Variants in PARD3 observed in about 807,000 individuals in gnomAD.
PARD3 encodes par-3 family cell polarity regulator.
In PARD3, 75 loss-of-function variants were observed where a neutral mutation model predicts 155.4. The ratio of observed to expected loss-of-function variants is 0.48; its 90% CI spans 0.40 to 0.58. The LOEUF (loss-of-function observed/expected upper bound fraction) is 0.58. Ranked by LOEUF, PARD3 falls within the 20% of genes least tolerant of loss-of-function variation. The pLI, the probability that PARD3 is intolerant of heterozygous loss-of-function variation, is 0.00. For synonymous variants in PARD3, 576 were observed against 610.5 expected (o/e 0.94, Z 0.83); for missense variants, 1,642 against 1,721.7 (o/e 0.95, Z 0.82).
chr10:34,713,141 G>T lies in PARD3; in HGVS notation c.121-16722C>A, dbSNP rs569208334. Among the ~76,000 whole-genome samples the T allele has an allele frequency of 1.2e-4, 19 of 152,260 alleles. No homozygotes were observed. The South Asian group carries it at 4.0e-3, about 32-fold the overall frequency. On this transcript the variant is annotated intron_variant, in intron 1 of 24. Transcript: ENST00000374788. The stretch of plus-strand genomic sequence containing the variant: ...GCAGGAGAATCACTTGAACCTAAGA[G>T]GTGGAGGTTGTGGTGAGCCGAGATT...
At chr10:34,670,662 T>C (rs1440157439) in intron 2 of PARD3, among the ~76,000 whole-genome samples, 2 of 152,172 alleles carry the variant, frequency 1.3e-5, no homozygotes, top group Non-Finnish European at 1.5e-5. Context: ...AGAGTATCTA[T>C]AAGCACCTAG....
chr10:34,367,720 C>G (rs1486044717), intron 12 of PARD3, among the ~76,000 whole-genome samples: 1 of 152,054 alleles, frequency 6.6e-6, no homozygotes, highest in Non-Finnish European at 1.5e-5. Context: ...CATACACACA[C>G]ACAAACAATA....
At chr10:34,343,433 CT>C in intron 15 of PARD3, 1 of 980,524 alleles carries the variant, frequency 1.0e-6, no homozygotes, top group Non-Finnish European at 1.2e-6. Flanking sequence ...TATACCTTAA[CT>C]GTTGTGATAC....
At chr10:34,353,269 G>A (rs1220665346) in intron 14 of PARD3, among the ~76,000 whole-genome samples, 3 of 152,236 alleles carry the variant, frequency 2.0e-5, no homozygotes, top group South Asian at 2.1e-4. Context: ...GTTTTGTCGA[G>A]TAGAAAAGGG....
intron 1 of PARD3, among the ~76,000 whole-genome samples, chr10:34,709,975 A>G (rs1002625560): frequency 6.6e-6 from 1 of 151,854 alleles, no homozygotes; most frequent in Admixed American, 6.6e-5. Flanking sequence ...ACTGCGCCTG[A>G]GTATTTTGCA....
At chr10:34,719,044 C>T (rs945170291) in intron 1 of PARD3, among the ~76,000 whole-genome samples, 2 of 152,190 alleles carry the variant, frequency 1.3e-5, no homozygotes, top group African/African-American at 4.8e-5. Flanking sequence ...ACAATACACT[C>T]CATCACAACT....
At chr10:34,130,104 C>T (rs1267063517) in intron 23 of PARD3, among the ~76,000 whole-genome samples, 1 of 152,248 alleles carries the variant, frequency 6.6e-6, no homozygotes, top group Admixed American at 6.5e-5. Context: ...CTGTAACTCA[C>T]GTGCAAAGAT....
At chr10:34,307,560 T>C (rs1471830546) in intron 20 of PARD3, among the ~76,000 whole-genome samples, 1 of 152,154 alleles carries the variant, frequency 6.6e-6, no homozygotes, top group Non-Finnish European at 1.5e-5. Flanking sequence ...AGTGCAGACC[T>C]TATGACTTAG....
chr10:34,793,599 C>T (rs1841922712), intron 1 of PARD3, among the ~76,000 whole-genome samples: 1 of 152,030 alleles, frequency 6.6e-6, no homozygotes, highest in Admixed American at 6.6e-5. Flanking sequence ...CCAGCCTGAC[C>T]AACATGGAGA....
At chr10:34,810,354 A>C (rs1843983072) in intron 1 of PARD3, among the ~76,000 whole-genome samples, 1 of 152,164 alleles carries the variant, frequency 6.6e-6, no homozygotes, top group African/African-American at 2.4e-5. Flanking sequence ...ATATACAAAA[A>C]TATCCCAAAG....
chr10:34,237,495 T>A (rs1953308315), intron 22 of PARD3, among the ~76,000 whole-genome samples: 1 of 152,184 alleles, frequency 6.6e-6, no homozygotes, highest in South Asian at 2.1e-4. Flanking sequence ...TTTGTAGAAA[T>A]AGGAGAAATG....
intron 22 of PARD3, among the ~76,000 whole-genome samples, chr10:34,249,968 G>C (rs1420704494): frequency 2.6e-5 from 4 of 152,014 alleles, no homozygotes; most frequent in Non-Finnish European, 5.9e-5. Flanking sequence ...ATCTCATCTG[G>C]TGAGCATGCC....
At chr10:34,727,000 C>A (rs1260228485) in intron 1 of PARD3, among the ~76,000 whole-genome samples, 1 of 152,158 alleles carries the variant, frequency 6.6e-6, no homozygotes, top group Non-Finnish European at 1.5e-5. Flanking sequence ...AATAAAAGCT[C>A]TGCCTATTCC....
intron 12 of PARD3, among the ~76,000 whole-genome samples, chr10:34,364,322 A>G (rs1839752647): frequency 6.6e-6 from 1 of 152,224 alleles, no homozygotes. Flanking sequence ...AGTGAGCTCA[A>G]TAGCCGATTT....
At position 34,356,392 on chromosome 10, in the gene PARD3, CAT is replaced by C. The variant is rs537151986; in HGVS notation, c.2067+2753_2067+2754del. 3.0e-3 allele frequency among the ~76,000 whole-genome samples: 451 copies of C among 152,160 alleles called. 2 individuals are homozygous for C. Among genetic ancestry groups the C allele is most frequent in the African/African-American group, 0.011 (438 of 41,518 alleles). On this transcript the variant is annotated intron_variant, in intron 14 of 24. Coordinates refer to ENST00000374788, the MANE Select transcript of PARD3 (RefSeq NM_001184785.2). The stretch of plus-strand genomic sequence containing the variant: ...CTACAAAAATGAAAAATAAAGAAGA[CAT>C]ATTAAGATAATACACAGCACTTCCA...
rs59606413 is a variant in PARD3, at chr10:34,565,260, C to CTTTTTTTTTTTTTTT, written c.223-48116_223-48102dup. The stretch of plus-strand genomic sequence containing the variant: ...TCAGATAAAAGACAAAGGAGCAAGG[C>CTTTTTTTTTTTTTTT]TTTTTTTTTTTTTTTTTTTTTTTTT... On this transcript the variant is annotated intron_variant, in intron 2 of 24. Transcript: ENST00000374788. Among the ~76,000 whole-genome samples the CTTTTTTTTTTTTTTT allele has an allele frequency of 2.3e-4, 9 of 39,670 alleles. 1 individual carries two copies. Among genetic ancestry groups the CTTTTTTTTTTTTTTT allele is most frequent in the African/African-American group, 8.8e-4 (8 of 9,064 alleles). 26.0% of individuals were successfully genotyped at this position (39,670 alleles called of 152,430 possible).
At chr10:34,597,653 A>C (rs1181092072) in intron 2 of PARD3, among the ~76,000 whole-genome samples, 1 of 152,220 alleles carries the variant, frequency 6.6e-6, no homozygotes, top group African/African-American at 2.4e-5. Flanking sequence ...GTTTCCAAGA[A>C]AAACAATTCT....
chr10:34,360,608 C>G (rs2134501662), intron 12 of PARD3, among the ~76,000 whole-genome samples: 1 of 152,100 alleles, frequency 6.6e-6, no homozygotes, highest in South Asian at 2.1e-4. Flanking sequence ...AAAACAGTAA[C>G]AATGGGAGTA....
chr10:34,661,031 T>C (rs1412098082), intron 2 of PARD3, among the ~76,000 whole-genome samples: 1 of 152,210 alleles, frequency 6.6e-6, no homozygotes, highest in African/African-American at 2.4e-5. Context: ...CAACATTCTT[T>C]TCTTTTGCAC....
Sources: allele counts gnomAD v4.1 joint callset (sites outside exome capture counted in the v4.1 genomes callset), GRCh38; gene constraint gnomAD v4.1.1; transcripts MANE v1.5; gene names NCBI Gene and HGNC (gene_info 2026-07-23, HGNC 2026-07-21).